KLHL2: variants seen among roughly 807,000 people sequenced by gnomAD.
KLHL2 encodes the protein kelch-like protein 2.
A neutral mutation model predicts 75.8 loss-of-function variants in KLHL2; 15 were observed. The observed-to-expected ratio is 0.20, with a 90% confidence interval of 0.13 to 0.30. KLHL2 has a LOEUF of 0.30. Among genes scored for constraint, KLHL2 ranks in the 10% least tolerant of loss-of-function variants. KLHL2 has a pLI of 1.00. For synonymous variants in KLHL2, 214 were observed against 251.9 expected, an observed-to-expected ratio of 0.85 and a Z score of 1.42; for missense variants, 381 against 741.0, an observed-to-expected ratio of 0.51 and a Z score of 5.64.
At chr4:165,313,896 A>G (rs1041183290) in intron 12 of KLHL2, 130 bp from the exon 13 acceptor site, 6 of 783,222 alleles carry the variant, frequency 7.7e-6, no homozygotes, top group Non-Finnish European at 1.2e-5. Flanking sequence ...ATTGTAGGCT[A>G]TAGTATCAGC....
At chr4:165,210,227 C>T in intron 1 of KLHL2, 1 of 1,492,430 alleles carries the variant, frequency 6.7e-7, no homozygotes, top group Non-Finnish European at 9.1e-7. Context: ...TATTTGAATG[C>T]CTGTCTCTGC....
At chr4:165,245,075 G>A (rs1038438896) in intron 4 of KLHL2, among the ~76,000 whole-genome samples, 17 of 152,140 alleles carry the variant, frequency 1.1e-4, no homozygotes, top group Non-Finnish European at 2.2e-4. Flanking sequence ...AGGCGTGGTG[G>A]TGCACACTTG....
At chr4:165,260,681 G>T (rs1012358555) in intron 4 of KLHL2, among the ~76,000 whole-genome samples, 1 of 151,790 alleles carries the variant, frequency 6.6e-6, no homozygotes, top group Non-Finnish European at 1.5e-5. Context: ...TCTTTCGTTT[G>T]AATGACTGCA....
At chr4:165,279,066 C>T in intron 5 of KLHL2, 1 of 1,517,716 alleles carries the variant, frequency 6.6e-7, no homozygotes, top group Non-Finnish European at 9.2e-7. Flanking sequence ...GTACAGTGGA[C>T]ACCTCCATTG....
intron 4 of KLHL2, among the ~76,000 whole-genome samples, chr4:165,260,566 A>ACG (rs1741579105): frequency 6.7e-6 from 1 of 149,982 alleles, no homozygotes; most frequent in African/African-American, 2.5e-5. Context: ...ACACACATAT[A>ACG]TGTGTGTGTG....
intron 4 of KLHL2, among the ~76,000 whole-genome samples, chr4:165,252,877 A>G (rs945646352): frequency 1.3e-5 from 2 of 152,156 alleles, no homozygotes; most frequent in Non-Finnish European, 2.9e-5. Flanking sequence ...ATCTATTAGT[A>G]TGGATTTAAA....
chr4:165,269,679 T>C (rs1742528873), intron 5 of KLHL2, among the ~76,000 whole-genome samples: 1 of 143,192 alleles, frequency 7.0e-6, no homozygotes, highest in South Asian at 2.1e-4. Context: ...TGCCAAGAAA[T>C]CTGCTGTTAG....
chr4:165,244,495 T>C (rs1740084812), intron 4 of KLHL2, among the ~76,000 whole-genome samples: 1 of 152,216 alleles, frequency 6.6e-6, no homozygotes, highest in Admixed American at 6.5e-5. Flanking sequence ...CTATATTGTG[T>C]GGGTAAACAT....
intron 13 of KLHL2, 75 bp from the exon 14 acceptor site, chr4:165,317,751 A>C (rs1291929556): frequency 8.9e-7 from 1 of 1,123,534 alleles, no homozygotes; most frequent in East Asian, 2.4e-5. Flanking sequence ...GGATTACCTC[A>C]CTAAACATGT....
At chr4:165,299,207 T>C (rs1302960258) in intron 7 of KLHL2, among the ~76,000 whole-genome samples, 1 of 152,212 alleles carries the variant, frequency 6.6e-6, no homozygotes, top group Non-Finnish European at 1.5e-5. Flanking sequence ...GATACACAGG[T>C]GGATATAATA....
intron 4 of KLHL2, among the ~76,000 whole-genome samples, chr4:165,246,958 G>A (rs1297528579): frequency 6.6e-6 from 1 of 152,162 alleles, no homozygotes; most frequent in Non-Finnish European, 1.5e-5. Context: ...ATGAGCAGAT[G>A]AGGGAGATGG....
intron 3 of KLHL2, among the ~76,000 whole-genome samples, chr4:165,238,554 A>G (rs1420687685): frequency 6.6e-6 from 1 of 152,214 alleles, no homozygotes; most frequent in Non-Finnish European, 1.5e-5. Flanking sequence ...CATTGTTGTG[A>G]TATGATTTTC....
chr4:165,249,420 G>C (rs1457711362), intron 4 of KLHL2, among the ~76,000 whole-genome samples: 1 of 152,204 alleles, frequency 6.6e-6, no homozygotes, highest in East Asian at 1.9e-4. Context: ...GATAGAATTA[G>C]TAATCAGAGC....
At chr4:165,208,120 G>T (rs1736956816) in intron 1 of KLHL2, among the ~76,000 whole-genome samples, 1 of 151,950 alleles carries the variant, frequency 6.6e-6, no homozygotes. Context: ...AGGATTTCTG[G>T]GGAAGGGTCT....
intron 8 of KLHL2, among the ~76,000 whole-genome samples, chr4:165,305,308 AGTAATAACTGC>A (rs1745643126): frequency 6.7e-6 from 1 of 148,544 alleles, no homozygotes. Flanking sequence ...CAGCCTTGCC[AGTAATAACTGC>A]GTGCTGTTTT....
intron 2 of KLHL2, among the ~76,000 whole-genome samples, chr4:165,227,239 C>T (rs898205128): frequency 6.6e-6 from 1 of 151,668 alleles, no homozygotes; most frequent in Non-Finnish European, 1.5e-5. Context: ...AACACACAAG[C>T]CATACCATAA....
At chr4:165,294,503 T>G in intron 6 of KLHL2, 35 bp downstream of exon 6, 1 of 1,180,918 alleles carries the variant, frequency 8.5e-7, no homozygotes, top group Admixed American at 2.1e-5. Context: ...TGTGCAATGA[T>G]GTTTCCCTTT....
chr4:165,211,422 C>T (rs1309835766), intron 1 of KLHL2, among the ~76,000 whole-genome samples: 1 of 152,196 alleles, frequency 6.6e-6, no homozygotes, highest in Non-Finnish European at 1.5e-5. Flanking sequence ...GTAAAAAGTT[C>T]ACTGAAGCCT....
intron 5 of KLHL2, among the ~76,000 whole-genome samples, chr4:165,264,721 C>CACATAT (rs1742051135): frequency 1.4e-5 from 1 of 71,200 alleles, no homozygotes; most frequent in South Asian, 6.5e-4. Flanking sequence ...TATATATATA[C>CACATAT]ATATATATAT....
Sources: gnomAD v4.1 joint callset for allele counts (sites outside exome capture counted in the v4.1 genomes callset) on GRCh38, gnomAD v4.1.1 for gene constraint, MANE v1.5 for transcripts, NCBI Gene and HGNC (gene_info 2026-07-23, HGNC 2026-07-21) for gene names.